NHSL2: variants seen among roughly 807,000 people sequenced by gnomAD.
NHSL2 encodes NHS like 2, also known as NHS-like protein 2.
A neutral mutation model predicts 53.4 loss-of-function variants in NHSL2; 27 were observed. The ratio of observed to expected loss-of-function variants is 0.51; its 90% confidence interval spans 0.37 to 0.70. The LOEUF (loss-of-function observed/expected upper bound fraction) is 0.70, where lower values mean the gene tolerates loss of function less well. Among genes scored for constraint, NHSL2 ranks in the 30% least tolerant of loss-of-function variants. NHSL2 has a pLI of 0.00. For missense variants in NHSL2, 892 were observed against 980.1 expected (o/e 0.91, Z 1.20); for synonymous variants, 408 against 404.1 (o/e 1.01, Z -0.12).
chrX:72,059,065 C>T lies in NHSL2; in HGVS notation c.281-73014C>T, dbSNP rs778315208. ...ATTTCCAGCTCTGAGCTCTGGATCA[C>T]ATATCTTTACCACCCTCTAGACACA... On this transcript the variant is annotated intron_variant, in intron 1 of 7. Transcript: ENST00000633930. 9.9e-5 allele frequency among the ~76,000 whole-genome samples: 11 copies of T among 111,616 alleles called. No homozygotes were observed. The East Asian group carries it at 2.8e-3, about 29-fold the overall frequency.
At chrX:71,991,818 T>TTCTCTCTCTCTCTCTCTCTCTCTCTCTC (rs59851052) in intron 1 of NHSL2, among the ~76,000 whole-genome samples, 1 of 99,858 alleles carries the variant, frequency 1.0e-5, no homozygotes, top group African/African-American at 3.9e-5. Context: ...GTCTTTCTCT[T>TTCTCTCTCTCTCTCTCTCTCTCTCTCTC]TCTCTCTCTC....
chrX:71,973,198 C>T (rs2041933603), intron 1 of NHSL2, among the ~76,000 whole-genome samples: 1 of 112,027 alleles, frequency 8.9e-6, no homozygotes, highest in African/African-American at 3.2e-5. Flanking sequence ...GTTTTGCAGT[C>T]TGTCCCACGT....
At chrX:72,007,140 G>C (rs999493937) in intron 1 of NHSL2, among the ~76,000 whole-genome samples, 1 of 112,339 alleles carries the variant, frequency 8.9e-6, no homozygotes, top group Admixed American at 9.4e-5. Flanking sequence ...GCAAGGGACA[G>C]GCAGAGGGAG....
intron 1 of NHSL2, among the ~76,000 whole-genome samples, chrX:72,108,286 C>A (rs1234008406): frequency 2.7e-5 from 3 of 112,367 alleles, no homozygotes; most frequent in Non-Finnish European, 5.6e-5. Flanking sequence ...TTAACTCACC[C>A]CAGCCTCAAA....
At chrX:72,113,016 A>G (rs141509444) in intron 1 of NHSL2, among the ~76,000 whole-genome samples, 1,992 of 111,981 alleles carry the variant, frequency 0.018, 54 homozygotes, top group African/African-American at 0.062. Flanking sequence ...TTATTGAGTT[A>G]TAAGAGATCT....
chrX:72,107,596 C>T (rs1406077616), intron 1 of NHSL2, among the ~76,000 whole-genome samples: 1 of 112,032 alleles, frequency 8.9e-6, no homozygotes, highest in African/African-American at 3.2e-5. Context: ...CCTCAGGGCT[C>T]ACCATCTCGT....
At chrX:72,116,514 G>T (rs1407764397) in intron 1 of NHSL2, among the ~76,000 whole-genome samples, 6 of 112,341 alleles carry the variant, frequency 5.3e-5, no homozygotes, top group East Asian at 2.8e-4. Context: ...AATAAATTCA[G>T]ATGGACAAGA....
chrX:72,019,086 A>G (rs1241230704), intron 1 of NHSL2, among the ~76,000 whole-genome samples: 6 of 111,975 alleles, frequency 5.4e-5, no homozygotes, highest in Non-Finnish European at 9.4e-5. Context: ...CTGTGATAGG[A>G]TGAGTCTCGC....
chrX:72,086,752 G>C (rs1203525796), intron 1 of NHSL2, among the ~76,000 whole-genome samples: 1 of 108,859 alleles, frequency 9.2e-6, no homozygotes, highest in Non-Finnish European at 1.9e-5. Context: ...ATTTTCAAAG[G>C]GGTAAAAACA....
At chrX:72,142,569 C>G (rs1011989601) in intron 7 of NHSL2, among the ~76,000 whole-genome samples, 1 of 111,279 alleles carries the variant, frequency 9.0e-6, no homozygotes, top group South Asian at 3.9e-4. Context: ...AGTCCAGGGC[C>G]TCGCATCTCA....
chrX:71,992,711 G>A (rs149811620), intron 1 of NHSL2, among the ~76,000 whole-genome samples: 184 of 112,529 alleles, frequency 1.6e-3, no homozygotes, highest in Middle Eastern at 9.2e-3. Context: ...TCAGCAAGGC[G>A]TTAAGTGAGA....
At chrX:72,103,715 A>G (rs2042015059) in intron 1 of NHSL2, among the ~76,000 whole-genome samples, 1 of 112,355 alleles carries the variant, frequency 8.9e-6, no homozygotes, top group Non-Finnish European at 1.9e-5. Context: ...CATCAGAAAC[A>G]TGTAAATTCA....
chrX:71,965,179 A>G (rs1327074393), intron 1 of NHSL2, among the ~76,000 whole-genome samples: 1 of 112,558 alleles, frequency 8.9e-6, no homozygotes, highest in African/African-American at 3.2e-5. Context: ...TCAAAAAGCC[A>G]TCACCATACA....
At chrX:71,968,201 G>T (rs1234471116) in intron 1 of NHSL2, among the ~76,000 whole-genome samples, 1 of 109,242 alleles carries the variant, frequency 9.2e-6, no homozygotes, top group Non-Finnish European at 1.9e-5. Flanking sequence ...GTCTTACTAT[G>T]TTGCACAGGC....
chrX:72,063,485 C>T (rs2042410730), intron 1 of NHSL2, among the ~76,000 whole-genome samples: 1 of 112,162 alleles, frequency 8.9e-6, no homozygotes, highest in Non-Finnish European at 1.9e-5. Context: ...AGAAGTTGAC[C>T]ATGCCCAGGA....
intron 1 of NHSL2, among the ~76,000 whole-genome samples, chrX:71,981,868 G>C (rs1479891742): frequency 8.9e-6 from 1 of 111,862 alleles, no homozygotes; most frequent in Non-Finnish European, 1.9e-5. Flanking sequence ...AATACCACTG[G>C]TAGGAACATA....
intron 1 of NHSL2, among the ~76,000 whole-genome samples, chrX:72,087,003 G>C (rs774640139): frequency 1.8e-4 from 20 of 111,842 alleles, no homozygotes; most frequent in Admixed American, 8.5e-4. Flanking sequence ...GCTGTGAGAG[G>C]GCCTGGGCTA....
Position 72,134,620 on chromosome X carries a change from C to G in NHSL2, c.676C>G (p.Leu226Val). The G allele has an allele frequency of 8.6e-7, 1 of 1,167,181 alleles. No individual in the cohort carries two copies. Among genetic ancestry groups the G allele is most frequent in the Non-Finnish European group, 1.1e-6 (1 of 871,932 alleles). The change falls in exon 4 of 8, where the codon CTT (leucine) becomes GTT (valine). Residue 226 changes from leucine (L) to valine (V), a missense_variant. Transcript: ENST00000633930. ...CGACAAGCAAACTGCCTGGAATAGC[C>G]TTTTCCCTCTGCCCATCCTAGAGGA... ...TADKQTAWNS[L>V]FPLPILEEKR... is the part of the protein sequence containing the mutation.
intron 1 of NHSL2, among the ~76,000 whole-genome samples, chrX:72,108,735 C>T (rs139437017): frequency 1.8e-5 from 2 of 111,971 alleles, no homozygotes; most frequent in East Asian, 2.8e-4. Context: ...TGAGGACATG[C>T]GGGTCCGGCA....
Sources: gnomAD v4.1 joint callset for allele counts (sites outside exome capture counted in the v4.1 genomes callset) on GRCh38, gnomAD v4.1.1 for gene constraint, MANE v1.5 for transcripts, NCBI Gene and HGNC (gene_info 2026-07-23, HGNC 2026-07-21) for gene names.